SLC12A3: variants seen among roughly 807,000 people sequenced by gnomAD.
The protein encoded by SLC12A3 is solute carrier family 12 member 3.
In SLC12A3, 104 loss-of-function variants were observed where a neutral mutation model predicts 121.0. The observed-to-expected ratio is 0.86, with a 90% confidence interval of 0.73 to 1.01. The LOEUF is 1.01. SLC12A3 is among the 50% of genes least tolerant of loss of function. SLC12A3 has a pLI of 0.00. For missense variants in SLC12A3, 1,328 were observed against 1,356.3 expected, an observed-to-expected ratio of 0.98 and a Z score of 0.33; for synonymous variants, 536 against 533.4, an observed-to-expected ratio of 1.00 and a Z score of -0.07.
chr16:56,877,692 G>T (rs927725396), intron 8 of SLC12A3, among the ~76,000 whole-genome samples: 1 of 152,170 alleles, frequency 6.6e-6, no homozygotes, highest in African/African-American at 2.4e-5. Flanking sequence ...AAGTGAACCC[G>T]GGCAGGCCGA....
rs1270114622 is a variant in SLC12A3 at position 56,869,751 on chromosome 16, G to C, written c.528G>C (p.Leu176=). The change falls in exon 4 of 26, where the codon CTG becomes CTC. Residue 176 remains leucine, a synonymous_variant. Coordinates refer to ENST00000563236, the MANE Select transcript of SLC12A3 (RefSeq NM_001126108.2). ...AGIVLTWIII[L]LSVTVTSITG... ...CAGTCCTGACCTGGATCATCATCCT[G>C]CTGTCGGTCACGGTGACCTCCATCA... The C allele has an allele frequency of 1.9e-6, 3 of 1,614,128 alleles. No individual in the cohort carries two copies. In the Admixed American group the frequency reaches 5.0e-5, roughly 27 times the overall value.
chr16:56,913,593 C>G lies in SLC12A3; in HGVS notation c.*188C>G. On this transcript the variant is annotated 3_prime_UTR_variant, in exon 26 of 26. Transcript: ENST00000563236. ...ACTCCACTTCCATGGGACACATTCC[C>G]TGGGTCTTGTGTTTATAGGCTAGAG... is the stretch of plus-strand genomic sequence containing the variant. The G allele has an allele frequency of 1.5e-6, 1 of 677,118 alleles. No homozygotes were observed. The highest frequency in any genetic ancestry group is 2.7e-6 in the Non-Finnish European group (1 of 374,052). 41.9% of individuals were successfully genotyped at this position (677,118 alleles called of 1,614,324 possible).
Position 56,872,232 on chromosome 16 carries a change from T to G in SLC12A3, c.853-119T>G, listed in dbSNP as rs147850623. The G allele has an allele frequency of 2.1e-3, 1,514 of 727,098 alleles. 20 individuals are homozygous for G. The highest frequency in any genetic ancestry group is 4.7e-4 in the Non-Finnish European group (192 of 405,784). The allele number at this position is 727,098 out of a possible 1,614,324, so 45.0% of individuals were successfully genotyped here. On this transcript the variant is annotated intron_variant, in intron 6 of 25. Transcript: ENST00000563236. ...ACAGATCCTGCTGCATAATGGGTGT[T>G]GAATGAATGAGTGAGTGAATAATGG...
At position 56,878,178 on chromosome 16, in the gene SLC12A3, G is replaced by A. The variant is rs772090991; in HGVS notation, c.1180+17G>A. 21 of 1,598,722 alleles carry A rather than the reference G, an allele frequency of 1.3e-5. No individual in the cohort carries two copies. Among genetic ancestry groups the A allele is most frequent in the African/African-American group, 8.0e-5 (6 of 74,554 alleles). On this transcript the variant is annotated intron_variant, in intron 9 of 25. Coordinates refer to ENST00000563236, the MANE Select transcript of SLC12A3 (RefSeq NM_001126108.2). The stretch of plus-strand genomic sequence containing the variant: ...CCACCATTGGTAAGTGGCCGGCCCA[G>A]CCAGTCAGGAGGGGGAGGGACCTGG...
At chr16:56,886,288 T>A in intron 15 of SLC12A3, 76 bp from the exon 16 acceptor site, 1 of 1,061,660 alleles carries the variant, frequency 9.4e-7, no homozygotes. Context: ...TCAGGGAGCC[T>A]GGGAGGTGCC....
At chr16:56,866,389 A>G (rs1173653014) in intron 1 of SLC12A3, among the ~76,000 whole-genome samples, 1 of 152,296 alleles carries the variant, frequency 6.6e-6, no homozygotes, top group South Asian at 2.1e-4. Context: ...ACTGAGATGA[A>G]GTGCCAGGAA....
chr16:56,869,868 C>T, intron 4 of SLC12A3, 44 bp downstream of exon 4: 3 of 1,550,078 alleles, frequency 1.9e-6, no homozygotes, highest in Non-Finnish European at 1.8e-6. Context: ...CTCGTGGGCT[C>T]CTAATCCTGG....
chr16:56,883,256 G>A lies in SLC12A3; in HGVS notation c.1669+759G>A, dbSNP rs180875104. 4.8e-3 allele frequency among the ~76,000 whole-genome samples: 731 copies of A among 151,004 alleles called. 4 individuals carry two copies. Among genetic ancestry groups the A allele is most frequent in the Non-Finnish European group, 6.1e-3 (412 of 67,802 alleles). On this transcript the variant is annotated intron_variant, in intron 13 of 25. Transcript: ENST00000563236. ...AACTTCTGGCAGATGGCAATAAAGAGGCTTGAGGAAGACTTTTTCTTTCTT... is the reference window on the plus strand; with the variant it reads ...AACTTCTGGCAGATGGCAATAAAGAAGCTTGAGGAAGACTTTTTCTTTCTT...
intron 12 of SLC12A3, among the ~76,000 whole-genome samples, chr16:56,882,147 C>T (rs2055248993): frequency 6.6e-6 from 1 of 152,190 alleles, no homozygotes; most frequent in African/African-American, 2.4e-5. Context: ...ATGGGGTCTA[C>T]TCTCACACTG....
At chr16:56,890,236 C>A in intron 18 of SLC12A3, 38 bp from the exon 19 acceptor site, 1 of 1,544,442 alleles carries the variant, frequency 6.5e-7, no homozygotes, top group Non-Finnish European at 9.0e-7. Flanking sequence ...CCAGTGGGAG[C>A]TGGGGGAGAA....
rs1298374321 is a variant in SLC12A3, at chr16:56,882,450, C to A, written c.1622C>A (p.Ala541Asp). ...IISNFFLCSY[A>D]LINFSCFHAS... ...TCCAACTTCTTCCTCTGCTCCTATG[C>A]CCTCATCAACTTCAGCTGCTTCCAC... Residue 541 changes from alanine (A) to aspartate (D), a missense_variant, in exon 13 of 26, where the codon GCC (alanine) becomes GAC (aspartate). Physicochemically the swap from Ala to Asp is moderately radical, Grantham distance 126 (BLOSUM62 -2). Coordinates refer to ENST00000563236, the MANE Select transcript of SLC12A3 (RefSeq NM_001126108.2). 6.2e-7 allele frequency: 1 copy of A among 1,614,078 alleles called. No individual in the cohort carries two copies. Among genetic ancestry groups the A allele is most frequent in the Admixed American group, 1.7e-5 (1 of 60,000 alleles).
chr16:56,867,079 A>G lies in SLC12A3; in HGVS notation c.292A>G (p.Arg98Gly), dbSNP rs1198041382. 6.2e-7 allele frequency: 1 copy of G among 1,613,248 alleles called. No homozygotes were observed. ...GTCTCTGGGCTGCCAGCAGGAAGGCAGACACCTGCATGCCCTGGCCTTTGA... is the reference window on the plus strand; with the variant it reads ...GTCTCTGGGCTGCCAGCAGGAAGGCGGACACCTGCATGCCCTGGCCTTTGA... The part of the protein sequence containing the change: ...DLHSFLKQEG[R>G]HLHALAFDSR... The change falls in exon 2 of 26, where the codon AGA becomes GGA. Residue 98 changes from arginine (R) to glycine (G), a missense_variant. By Grantham distance (125) the Arg-to-Gly change is moderately radical (BLOSUM62 -2). Coordinates refer to ENST00000563236, the MANE Select transcript of SLC12A3 (RefSeq NM_001126108.2).
chr16:56,877,001 G>A (rs2055172131), intron 8 of SLC12A3, among the ~76,000 whole-genome samples: 1 of 151,630 alleles, frequency 6.6e-6, no homozygotes, highest in Non-Finnish European at 1.5e-5. Context: ...CAGCTGAGCA[G>A]GGGTGCCCAG....
At chr16:56,880,434 C>T (rs1159409846) in intron 12 of SLC12A3, among the ~76,000 whole-genome samples, 181 bp downstream of exon 12, 2 of 152,174 alleles carry the variant, frequency 1.3e-5, no homozygotes, top group Non-Finnish European at 2.9e-5. Flanking sequence ...ATCGGGGGGC[C>T]ATGTGATCCT....
At chr16:56,881,146 G>GACT (rs2055235035) in intron 12 of SLC12A3, among the ~76,000 whole-genome samples, 1 of 152,228 alleles carries the variant, frequency 6.6e-6, no homozygotes, top group African/African-American at 2.4e-5. Flanking sequence ...GATGGGGGTA[G>GACT]ACTACTGGCC....
chr16:56,877,845 C>T (rs1410168010), intron 8 of SLC12A3, among the ~76,000 whole-genome samples: 1 of 152,214 alleles, frequency 6.6e-6, no homozygotes, highest in Non-Finnish European at 1.5e-5. Flanking sequence ...GTCTCCGACC[C>T]GTGATCTTGG....
At chr16:56,897,892 A>G (rs1043204706) in intron 22 of SLC12A3, among the ~76,000 whole-genome samples, 2 of 152,184 alleles carry the variant, frequency 1.3e-5, no homozygotes, top group East Asian at 3.9e-4. Context: ...ACACCAAGAC[A>G]AATCTGCCCA....
At chr16:56,886,146 G>T (rs1272124030) in intron 15 of SLC12A3, among the ~76,000 whole-genome samples, 15 of 152,212 alleles carry the variant, frequency 9.9e-5, no homozygotes, top group Admixed American at 9.8e-4. Flanking sequence ...TGTGGCCTGA[G>T]CAGGAAGGAC....
intron 6 of SLC12A3, 39 bp from the exon 7 acceptor site, chr16:56,872,312 C>A: frequency 6.8e-7 from 1 of 1,473,000 alleles, no homozygotes; most frequent in Non-Finnish European, 9.5e-7. Context: ...AGAGGTAGAA[C>A]AAAACTATCT....
Sources: gnomAD v4.1 joint callset for allele counts (sites outside exome capture counted in the v4.1 genomes callset) on GRCh38, gnomAD v4.1.1 for gene constraint, MANE v1.5 for transcripts, NCBI Gene and HGNC (gene_info 2026-07-23, HGNC 2026-07-21) for gene names.